ROBO1: variants seen among roughly 807,000 people sequenced by gnomAD.
ROBO1 encodes roundabout homolog 1.
In ROBO1, 149 loss-of-function variants were observed where a neutral mutation model predicts 195.9. The ratio of observed to expected loss-of-function variants is 0.76; its 90% confidence interval spans 0.67 to 0.87. ROBO1 has a LOEUF of 0.87. Among genes scored for constraint, ROBO1 ranks in the 40% least tolerant of loss-of-function variants. ROBO1 has a pLI of 0.00. For missense variants in ROBO1, 1,933 were observed against 2,068.3 expected (o/e 0.93, Z 1.27); for synonymous variants, 816 against 733.2 (o/e 1.11, Z -1.82).
chr3:78,686,528 C>T (rs1294012981), intron 9 of ROBO1, among the ~76,000 whole-genome samples: 1 of 148,078 alleles, frequency 6.8e-6, no homozygotes, highest in East Asian at 2.0e-4. Context: ...GCACTCCAGC[C>T]TGGGTGACAG....
At chr3:79,723,626 T>C (rs1347898213) in intron 1 of ROBO1, among the ~76,000 whole-genome samples, 2 of 152,154 alleles carry the variant, frequency 1.3e-5, no homozygotes, top group African/African-American at 4.8e-5. Flanking sequence ...CTAGTCAAAT[T>C]GGAATTCATT....
chr3:78,881,445 A>C (rs1339236250), intron 4 of ROBO1, among the ~76,000 whole-genome samples: 3 of 152,224 alleles, frequency 2.0e-5, no homozygotes, highest in Non-Finnish European at 4.4e-5. Flanking sequence ...AAAAATTTGA[A>C]GAAAACAATA....
At chr3:79,108,556 A>T (rs370978735) in intron 3 of ROBO1, among the ~76,000 whole-genome samples, 34 of 151,910 alleles carry the variant, frequency 2.2e-4, no homozygotes, top group African/African-American at 7.9e-4. Flanking sequence ...TACAATTCTG[A>T]ATATTTCTGT....
chr3:79,129,181 C>T (rs1028918441), intron 2 of ROBO1, among the ~76,000 whole-genome samples: 4 of 152,086 alleles, frequency 2.6e-5, no homozygotes, highest in Admixed American at 2.6e-4. Flanking sequence ...TACTTCTTTC[C>T]TATAGTCCCT....
chr3:79,584,183 C>T (rs1943744596), intron 2 of ROBO1, among the ~76,000 whole-genome samples: 1 of 150,320 alleles, frequency 6.7e-6, no homozygotes, highest in African/African-American at 2.4e-5. Context: ...CTTATTTTAT[C>T]TATATGTGTA....
At chr3:78,735,820 TGATCA>T (rs2082380026) in intron 5 of ROBO1, among the ~76,000 whole-genome samples, 1 of 152,172 alleles carries the variant, frequency 6.6e-6, no homozygotes, top group African/African-American at 2.4e-5. Flanking sequence ...TTAGATGGGT[TGATCA>T]GATCTAGTCT....
At chr3:78,994,899 C>T (rs911816684) in intron 3 of ROBO1, among the ~76,000 whole-genome samples, 5 of 152,082 alleles carry the variant, frequency 3.3e-5, no homozygotes, top group South Asian at 2.1e-4. Flanking sequence ...GCCATTAAAA[C>T]GCTAGAAGGG....
chr3:79,552,006 A>C lies in ROBO1; in HGVS notation c.88+37818T>G, dbSNP rs1215062441. Among the ~76,000 whole-genome samples the C allele has an allele frequency of 1.9e-3, 285 of 146,966 alleles. 1 individual carries two copies. The highest frequency in any genetic ancestry group is 6.8e-3 in the African/African-American group (273 of 40,320). On this transcript the variant is annotated intron_variant, in intron 2 of 30. Coordinates refer to ENST00000464233, the MANE Select transcript of ROBO1 (RefSeq NM_002941.4). ...AAAAAAAAAAAAAAAAAAAAAAAAAAAAAAAAAACAGAGCTCGAGACATTT... is the reference window on the plus strand; with the variant it reads ...AAAAAAAAAAAAAAAAAAAAAAAAACAAAAAAAACAGAGCTCGAGACATTT...
intron 1 of ROBO1, among the ~76,000 whole-genome samples, chr3:79,677,962 TG>T (rs2106949036): frequency 6.6e-6 from 1 of 152,238 alleles, no homozygotes; most frequent in Admixed American, 6.5e-5. Context: ...GCTAAATTTG[TG>T]GTAATTTGTT....
At chr3:79,482,058 TCATA>T (rs1226917560) in intron 2 of ROBO1, among the ~76,000 whole-genome samples, 2 of 152,180 alleles carry the variant, frequency 1.3e-5, no homozygotes, top group Non-Finnish European at 2.9e-5. Flanking sequence ...TGGGAATTAT[TCATA>T]CATTCATTTA....
rs369821440 is a variant in ROBO1, at chr3:78,959,932, T to C, written c.173-21005A>G. On this transcript the variant is annotated intron_variant, in intron 3 of 30. Transcript: ENST00000464233. ...CCAAGGATTATTAGTCAAAAGTATA[T>C]GCTTTTGGGGAGTGGGGGAGGGTGG... Among the ~76,000 whole-genome samples, 70 of 152,274 alleles carry C rather than the reference T, an allele frequency of 4.6e-4. No homozygotes were observed. In the South Asian group the frequency reaches 0.015, roughly 32 times the overall value.
At chr3:78,816,404 T>C (rs548872659) in intron 4 of ROBO1, among the ~76,000 whole-genome samples, 1 of 13,508 alleles carries the variant, frequency 7.4e-5, no homozygotes, top group Non-Finnish European at 6.7e-3. Context: ...AGTAATGTTG[T>C]TTTCATGATT....
intron 2 of ROBO1, among the ~76,000 whole-genome samples, chr3:79,486,355 C>T (rs1018444923): frequency 9.2e-5 from 14 of 151,682 alleles, no homozygotes; most frequent in African/African-American, 1.9e-4. Context: ...TTATATATAC[C>T]GATTTCTTTG....
rs573229894 is a variant in ROBO1 at position 79,690,024 on chromosome 3, C to T, written c.-51+77728G>A. Among the ~76,000 whole-genome samples the T allele has an allele frequency of 4.6e-5, 7 of 152,060 alleles. No individual in the cohort carries two copies. The South Asian group carries it at 1.5e-3, about 32-fold the overall frequency. On this transcript the variant is annotated intron_variant, in intron 1 of 30. Transcript: ENST00000464233. ...TCAAATTGATTTAAATAATTAATTT[C>T]ACCTGCAGTTAATCAATAGTTTATT...
chr3:79,173,277 G>T (rs1283169227), intron 2 of ROBO1, among the ~76,000 whole-genome samples: 1 of 152,166 alleles, frequency 6.6e-6, no homozygotes, highest in Non-Finnish European at 1.5e-5. Flanking sequence ...CACTGTGGGA[G>T]CCCCTTCCTG....
At chr3:79,012,313 T>A (rs1325854369) in intron 3 of ROBO1, among the ~76,000 whole-genome samples, 1 of 152,184 alleles carries the variant, frequency 6.6e-6, no homozygotes, top group African/African-American at 2.4e-5. Flanking sequence ...AGAACCACAC[T>A]GCTCTGTTGA....
At chr3:78,899,608 A>C (rs2037463026) in intron 4 of ROBO1, among the ~76,000 whole-genome samples, 1 of 152,206 alleles carries the variant, frequency 6.6e-6, no homozygotes, top group Non-Finnish European at 1.5e-5. Flanking sequence ...AAGTAACAGG[A>C]AAAATATGCT....
At chr3:78,644,315 G>A (rs1706148041) in intron 21 of ROBO1, among the ~76,000 whole-genome samples, 1 of 152,070 alleles carries the variant, frequency 6.6e-6, no homozygotes, top group Non-Finnish European at 1.5e-5. Context: ...CCACTATAAT[G>A]TAAGGTCTGG....
chr3:78,821,170 T>G lies in ROBO1; in HGVS notation c.500-74270A>C, dbSNP rs1156248704. Among the ~76,000 whole-genome samples, 6 of 148,654 alleles carry G rather than the reference T, an allele frequency of 4.0e-5. No homozygotes were observed. In the East Asian group the frequency reaches 7.8e-4, roughly 19 times the overall value. On this transcript the variant is annotated intron_variant, in intron 4 of 30. Coordinates refer to ENST00000464233, the MANE Select transcript of ROBO1 (RefSeq NM_002941.4). ...GCATTTTATGATACTGATTTTTTTT[T>G]TTTTTTTTTTTTTGAGACAGAGTCT...
Sources: allele counts gnomAD v4.1 joint callset (sites outside exome capture counted in the v4.1 genomes callset), GRCh38; gene constraint gnomAD v4.1.1; transcripts MANE v1.5; gene names NCBI Gene and HGNC (gene_info 2026-07-23, HGNC 2026-07-21).